Variants in TIGAR observed in about 807,000 individuals in gnomAD.
TIGAR encodes the protein fructose-2,6-bisphosphatase TIGAR.
Under a neutral mutation model 17.9 loss-of-function variants are expected in TIGAR, and 7 were observed. The ratio of observed to expected loss-of-function variants is 0.39; its 90% CI spans 0.22 to 0.73. TIGAR has a LOEUF of 0.73. Among genes scored for constraint, TIGAR ranks in the 30% least tolerant of loss-of-function variants. TIGAR has a pLI of 0.42. For missense variants in TIGAR, 258 were observed against 327.4 expected (o/e 0.79, Z 1.64); for synonymous variants, 94 against 108.6 (o/e 0.87, Z 0.84).
At chr12:4,341,692 G>A (rs1591663360) in intron 3 of TIGAR, among the ~76,000 whole-genome samples, 1 of 152,144 alleles carries the variant, frequency 6.6e-6, no homozygotes, top group Non-Finnish European at 1.5e-5. Flanking sequence ...ACTGTTAGAA[G>A]GAAAACTAAC....
chr12:4,356,842 A>C lies in TIGAR; in HGVS notation c.*4151A>C, dbSNP rs1264732477. 6.6e-6 allele frequency among the ~76,000 whole-genome samples: 1 copy of C among 152,200 alleles called. No homozygotes were observed. The highest frequency in any genetic ancestry group is 1.5e-5 in the Non-Finnish European group (1 of 68,036). ...GTTCCAGGCTTCACCCCAGGCTCGCAGCTTCAAGCAGAGCCTGTCGCTTAG... is the reference window on the plus strand; with the variant it reads ...GTTCCAGGCTTCACCCCAGGCTCGCCGCTTCAAGCAGAGCCTGTCGCTTAG... On this transcript the variant is annotated 3_prime_UTR_variant, in exon 6 of 6. Coordinates refer to ENST00000179259, the MANE Select transcript of TIGAR (RefSeq NM_020375.3).
At chr12:4,339,999 A>C (rs1393051399) in intron 3 of TIGAR, among the ~76,000 whole-genome samples, 1 of 152,248 alleles carries the variant, frequency 6.6e-6, no homozygotes, top group Non-Finnish European at 1.5e-5. Context: ...TTCCTCTAAG[A>C]TCTAGAACAA....
intron 3 of TIGAR, among the ~76,000 whole-genome samples, chr12:4,340,942 G>C (rs1357604255): frequency 2.6e-5 from 4 of 152,142 alleles, no homozygotes; most frequent in African/African-American, 9.7e-5. Flanking sequence ...ACTACTACAA[G>C]AAAACATTGG....
At position 4,321,996 on chromosome 12, in the gene TIGAR, T is replaced by A. The variant is rs559524486; in HGVS notation, c.32+693T>A. 1.2e-3 allele frequency among the ~76,000 whole-genome samples: 138 copies of A among 115,140 alleles called. 1 individual carries two copies. The highest frequency in any genetic ancestry group is 2.0e-3 in the Non-Finnish European group (105 of 51,432). The allele number at this position is 115,140 out of a possible 152,430, so 75.5% of individuals were successfully genotyped here. Reference sequence around the variant, plus strand: ...TAGTTAAGAGCACAGATTTTTATTTTTATTTTTTTTTTTTTGTGAGATGGA... The same window carrying A: ...TAGTTAAGAGCACAGATTTTTATTTATATTTTTTTTTTTTTGTGAGATGGA... On this transcript the variant is annotated intron_variant, in intron 1 of 5. Coordinates refer to ENST00000179259, the MANE Select transcript of TIGAR (RefSeq NM_020375.3). This position sits in a 1 kb window ranked among gnomAD's most constrained non-coding sequence, Gnocchi z 5.2.
intron 3 of TIGAR, among the ~76,000 whole-genome samples, chr12:4,348,466 A>G (rs902133336): frequency 1.3e-5 from 2 of 152,236 alleles, no homozygotes; most frequent in East Asian, 1.9e-4. Context: ...GTTCATATTG[A>G]TGATTTCTTT....
At position 4,359,192 on chromosome 12, in the gene TIGAR, TA is replaced by T. The variant is rs112640892; in HGVS notation, c.*6502del. Among the ~76,000 whole-genome samples, 986 of 152,290 alleles carry T rather than the reference TA, an allele frequency of 6.5e-3. 10 individuals are homozygous for T. The highest frequency in any genetic ancestry group is 0.021 in the African/African-American group (882 of 41,552). The stretch of plus-strand genomic sequence containing the variant: ...TTGGCATTCTGTACTAAGACAGCTT[TA>T]CCCTTCTTGCCTACTTATTTATGTC... On this transcript the variant is annotated 3_prime_UTR_variant, in exon 6 of 6. Transcript: ENST00000179259.
intron 2 of TIGAR, among the ~76,000 whole-genome samples, chr12:4,334,304 G>T (rs1388234248): frequency 6.6e-6 from 1 of 152,068 alleles, no homozygotes; most frequent in Non-Finnish European, 1.5e-5. Flanking sequence ...GCTGTCTTCT[G>T]GTTAATATCC....
At chr12:4,341,309 C>T (rs968800211) in intron 3 of TIGAR, among the ~76,000 whole-genome samples, 5 of 152,124 alleles carry the variant, frequency 3.3e-5, no homozygotes, top group Non-Finnish European at 5.9e-5. Context: ...CGATTAGGAA[C>T]AGCTCCAGTC....
At chr12:4,332,601 G>A (rs1368891857) in intron 2 of TIGAR, among the ~76,000 whole-genome samples, 1 of 152,170 alleles carries the variant, frequency 6.6e-6, no homozygotes, top group Non-Finnish European at 1.5e-5. Flanking sequence ...GTTTTGACAC[G>A]TGGTAATGTG....
chr12:4,345,410 G>C (rs973457945), intron 3 of TIGAR, among the ~76,000 whole-genome samples: 4 of 152,110 alleles, frequency 2.6e-5, no homozygotes, highest in African/African-American at 9.7e-5. Flanking sequence ...CCAAAACAGA[G>C]ATATAGACCA....
rs199840929 is a variant in TIGAR, at chr12:4,338,975, C to CAAAAAAAAAAAAAAAAA, written c.192+1816_192+1817insAAAAAAAAAAAAAAAAA. The stretch of plus-strand genomic sequence containing the variant: ...TGGGCAACAAAGCAAAACTTTGTCT[C>CAAAAAAAAAAAAAAAAA]ACAAAAAAAAAAAAAAAAAAAAAGA... On this transcript the variant is annotated intron_variant, in intron 3 of 5. Coordinates refer to ENST00000179259, the MANE Select transcript of TIGAR (RefSeq NM_020375.3). Among the ~76,000 whole-genome samples the CAAAAAAAAAAAAAAAAA allele has an allele frequency of 7.3e-4, 28 of 38,182 alleles. 3 individuals carry two copies. In the East Asian group the frequency reaches 7.7e-3, roughly 10 times the overall value. 25.0% of individuals were successfully genotyped at this position (38,182 alleles called of 152,430 possible). A position where few individuals can be genotyped will look rare whatever the true frequency, so the allele number is the denominator to read the frequency against.
At position 4,357,867 on chromosome 12, in the gene TIGAR, G is replaced by T. The variant is rs1166324391; in HGVS notation, c.*5176G>T. 1.3e-5 allele frequency among the ~76,000 whole-genome samples: 2 copies of T among 152,120 alleles called. No homozygotes were observed. The highest frequency in any genetic ancestry group is 2.9e-5 in the Non-Finnish European group (2 of 68,028). ...ACCTGTAATCCCAGCACTTTGGGAG[G>T]CCAAGGCGGGCAGATCACGAGGTCA... On this transcript the variant is annotated 3_prime_UTR_variant, in exon 6 of 6. Coordinates refer to ENST00000179259, the MANE Select transcript of TIGAR (RefSeq NM_020375.3).
intron 2 of TIGAR, among the ~76,000 whole-genome samples, chr12:4,334,463 G>A (rs1198659048): frequency 6.6e-6 from 1 of 152,120 alleles, no homozygotes; most frequent in Non-Finnish European, 1.5e-5. Flanking sequence ...GAATTTTGGG[G>A]GGACACATTT....
At chr12:4,332,539 C>T (rs1009086626) in intron 2 of TIGAR, among the ~76,000 whole-genome samples, 9 of 152,186 alleles carry the variant, frequency 5.9e-5, no homozygotes, top group South Asian at 2.1e-4. Context: ...CCGCCGCACG[C>T]GGCCTCAAGG....
rs565297189 is a variant in TIGAR at position 4,355,589 on chromosome 12, C to T, written c.*2898C>T. 6.6e-5 allele frequency among the ~76,000 whole-genome samples: 10 copies of T among 152,182 alleles called. No individual in the cohort carries two copies. Among genetic ancestry groups the T allele is most frequent in the South Asian group, 2.1e-4 (1 of 4,834 alleles). ...CATGCATCTCTTCATCTATTCAATA[C>T]GTATTTTTTGAGCATGGCACACACA... is the stretch of plus-strand genomic sequence containing the variant. On this transcript the variant is annotated 3_prime_UTR_variant, in exon 6 of 6. Coordinates refer to ENST00000179259, the MANE Select transcript of TIGAR (RefSeq NM_020375.3).
In TIGAR at chr12:4,344,710, T is replaced by C. The variant is rs144238024; in HGVS notation, c.193-5109T>C. On this transcript the variant is annotated intron_variant, in intron 3 of 5. Transcript: ENST00000179259. ...CTAAAAACTCTCAATAAATTAGATA[T>C]TGATGGGAGCTCTCTCACCACTCCT... Among the ~76,000 whole-genome samples the C allele has an allele frequency of 4.3e-3, 652 of 152,250 alleles. 1 individual carries two copies. Among genetic ancestry groups the C allele is most frequent in the African/African-American group, 0.014 (583 of 41,536 alleles).
At chr12:4,346,882 A>G (rs773669358) in intron 3 of TIGAR, among the ~76,000 whole-genome samples, 5 of 152,224 alleles carry the variant, frequency 3.3e-5, no homozygotes, top group Non-Finnish European at 7.3e-5. Context: ...GCTTTTATCC[A>G]AAAGACAGGC....
Position 4,359,300 on chromosome 12 carries a change from C to T in TIGAR, c.*6609C>T, listed in dbSNP as rs1260618229. Among the ~76,000 whole-genome samples the T allele has an allele frequency of 6.6e-6, 1 of 152,106 alleles. No homozygotes were observed. The highest frequency in any genetic ancestry group is 2.4e-5 in the African/African-American group (1 of 41,394). Reference sequence around the variant, plus strand: ...TATGGTTACACAGTCCCAACTTTGTCCTGTGGGAACCCTTTCAGGCTGGCT... The same window carrying T: ...TATGGTTACACAGTCCCAACTTTGTTCTGTGGGAACCCTTTCAGGCTGGCT... On this transcript the variant is annotated 3_prime_UTR_variant, in exon 6 of 6. Coordinates refer to ENST00000179259, the MANE Select transcript of TIGAR (RefSeq NM_020375.3).
chr12:4,348,718 T>TATG (rs1414660904), intron 3 of TIGAR, among the ~76,000 whole-genome samples: 2 of 152,182 alleles, frequency 1.3e-5, no homozygotes, highest in Admixed American at 6.5e-5. Context: ...TATAAAACAG[T>TATG]ATGATGATGA....
Sources: gnomAD v4.1 joint callset for allele counts (sites outside exome capture counted in the v4.1 genomes callset) on GRCh38, gnomAD v4.1.1 for gene constraint, Gnocchi (gnomAD v3.1) non-coding constraint, MANE v1.5 for transcripts, NCBI Gene and HGNC (gene_info 2026-07-23, HGNC 2026-07-21) for gene names.